The following KAZN variants were observed in gnomAD, a reference collection of about 807,000 sequenced individuals.
The protein encoded by KAZN is kazrin, periplakin interacting protein, also known as kazrin.
KAZN carries 40 observed loss-of-function variants against 87.4 expected under a neutral mutation model. The ratio of observed to expected loss-of-function variants is 0.46; its 90% CI spans 0.36 to 0.60. KAZN has a LOEUF of 0.60. KAZN is among the 20% of genes least tolerant of loss of function. The pLI is 0.00. For missense variants in KAZN, 898 were observed against 1,073.9 expected, an observed-to-expected ratio of 0.84 and a Z score of 2.29; for synonymous variants, 466 against 458.3, an observed-to-expected ratio of 1.02 and a Z score of -0.22.
chr1:14,882,135 G>A (rs898461758), intron 1 of KAZN, among the ~76,000 whole-genome samples: 7 of 152,236 alleles, frequency 4.6e-5, no homozygotes, highest in Non-Finnish European at 7.3e-5. Flanking sequence ...TGAGTAGCCA[G>A]AGACTGGCTC....
At chr1:14,874,192 T>C (rs1652488943) in intron 1 of KAZN, among the ~76,000 whole-genome samples, 1 of 152,094 alleles carries the variant, frequency 6.6e-6, no homozygotes, top group African/African-American at 2.4e-5. Context: ...TGAGTACAGA[T>C]AGAGAATCCA....
intron 1 of KAZN, among the ~76,000 whole-genome samples, chr1:14,750,090 C>G (rs920634848): frequency 6.6e-6 from 1 of 152,140 alleles, no homozygotes; most frequent in Non-Finnish European, 1.5e-5. Flanking sequence ...GGTTTTGATA[C>G]TGTGGTAATG....
At chr1:14,806,209 T>C (rs1646215773) in intron 1 of KAZN, among the ~76,000 whole-genome samples, 1 of 152,190 alleles carries the variant, frequency 6.6e-6, no homozygotes, top group East Asian at 1.9e-4. Context: ...CCCCAGGTAC[T>C]CAGACACCTC....
intron 2 of KAZN, among the ~76,000 whole-genome samples, chr1:14,499,848 G>A (rs1670146240): frequency 6.6e-6 from 1 of 152,214 alleles, no homozygotes; most frequent in East Asian, 1.9e-4. Flanking sequence ...GCTTAGCGGT[G>A]TGCTCACATC....
chr1:14,801,376 C>G (rs1194574127), intron 1 of KAZN, among the ~76,000 whole-genome samples: 1 of 152,160 alleles, frequency 6.6e-6, no homozygotes, highest in African/African-American at 2.4e-5. Flanking sequence ...GTGGCACGCA[C>G]AGGTGAAGCC....
intron 1 of KAZN, among the ~76,000 whole-genome samples, chr1:14,661,862 G>T (rs1481349809): frequency 1.3e-5 from 2 of 152,132 alleles, no homozygotes; most frequent in Non-Finnish European, 2.9e-5. Flanking sequence ...GTTACAGTGA[G>T]CCGAGATCAC....
chr1:14,627,080 C>T (rs1246837792), intron 1 of KAZN, among the ~76,000 whole-genome samples: 3 of 151,870 alleles, frequency 2.0e-5, no homozygotes, highest in Admixed American at 2.0e-4. Context: ...AACAGACAGA[C>T]CAGTAGGGGG....
At chr1:13,918,351 A>C (rs1609356) in intron 1 of KAZN, among the ~76,000 whole-genome samples, 34,138 of 152,168 alleles carry the variant, frequency 0.22, 4,186 homozygotes, top group Non-Finnish European at 0.28. Context: ...AAGTAACTGC[A>C]GTTGTGTTGA....
chr1:14,964,311 A>C (rs1664206534), intron 2 of KAZN, among the ~76,000 whole-genome samples: 1 of 152,154 alleles, frequency 6.6e-6, no homozygotes, highest in African/African-American at 2.4e-5. Context: ...ATTGTTGTGA[A>C]GATTGAGGTG....
At chr1:14,690,971 G>A (rs565928097) in intron 1 of KAZN, among the ~76,000 whole-genome samples, 17 of 152,230 alleles carry the variant, frequency 1.1e-4, no homozygotes, top group African/African-American at 3.9e-4. Flanking sequence ...GAAAACAAAT[G>A]CATGTTTTCA....
At chr1:14,664,357 T>TG (rs1022569076) in intron 1 of KAZN, among the ~76,000 whole-genome samples, 2 of 152,172 alleles carry the variant, frequency 1.3e-5, no homozygotes, top group African/African-American at 2.4e-5. Context: ...TGCTTAAACC[T>TG]GGGGGGCAGA....
chr1:14,705,104 AG>A (rs1642141954), intron 1 of KAZN, among the ~76,000 whole-genome samples: 2 of 152,308 alleles, frequency 1.3e-5, no homozygotes, highest in East Asian at 3.9e-4. Flanking sequence ...AGGTGCCAGA[AG>A]GGTTGGTTTC....
intron 2 of KAZN, among the ~76,000 whole-genome samples, chr1:14,418,905 T>C (rs1211849584): frequency 6.6e-6 from 1 of 152,176 alleles, no homozygotes; most frequent in Admixed American, 6.5e-5. Flanking sequence ...TCTGCAGAAA[T>C]GATGGCTGGA....
chr1:13,987,767 CAAT>C, intron 1 of KAZN, among the ~76,000 whole-genome samples: 1 of 152,254 alleles, frequency 6.6e-6, no homozygotes, highest in Admixed American at 6.5e-5. Flanking sequence ...AATAGTGTTA[CAAT>C]GTCAATTAAA....
chr1:14,443,452 C>T (rs1435174315), intron 2 of KAZN, among the ~76,000 whole-genome samples: 2 of 152,212 alleles, frequency 1.3e-5, no homozygotes, highest in African/African-American at 2.4e-5. Context: ...TGAAATAAAT[C>T]AAGAGCAGCC....
In KAZN at chr1:14,470,636, G is replaced by A. The variant is rs373936100; in HGVS notation, c.250-128347G>A. The stretch of plus-strand genomic sequence containing the variant: ...CTTCTTGGAAAGCCTGCGTAAGTGA[G>A]CACCTTTCTCTGTTGAGCAGAGTTT... On this transcript the variant is annotated intron_variant, in intron 2 of 16. Coordinates refer to the KAZN transcript ENST00000636203. Among the ~76,000 whole-genome samples, 361 of 152,314 alleles carry A rather than the reference G, an allele frequency of 2.4e-3. 10 individuals are homozygous for A. The South Asian group carries it at 0.063, about 27-fold the overall frequency.
intron 1 of KAZN, among the ~76,000 whole-genome samples, chr1:14,933,747 A>G (rs976198062): frequency 3.9e-5 from 6 of 152,036 alleles, no homozygotes; most frequent in African/African-American, 1.2e-4. Flanking sequence ...GTTTCAAGCC[A>G]TCCTCCTGCC....
chr1:14,205,906 A>AAAAAAAC (rs1646733020), intron 2 of KAZN, among the ~76,000 whole-genome samples: 1 of 50,522 alleles, frequency 2.0e-5, no homozygotes, highest in African/African-American at 9.2e-5. Context: ...AAAAAAAAAA[A>AAAAAAAC]GCTACCTAAT....
At chr1:14,821,954 C>G (rs986810564) in intron 1 of KAZN, among the ~76,000 whole-genome samples, 4 of 152,180 alleles carry the variant, frequency 2.6e-5, no homozygotes, top group African/African-American at 4.8e-5. Context: ...CACACTGCCT[C>G]TTGCATCGTG....
Sources: allele counts gnomAD v4.1 joint callset (sites outside exome capture counted in the v4.1 genomes callset), GRCh38; gene constraint gnomAD v4.1.1; transcripts MANE v1.5; gene names NCBI Gene and HGNC (gene_info 2026-07-23, HGNC 2026-07-21).